RPGRIP1L: variants seen among roughly 807,000 people sequenced by gnomAD.
The protein encoded by RPGRIP1L is RPGRIP1 like.
RPGRIP1L carries 131 observed loss-of-function variants against 160.4 expected under a neutral mutation model. The observed-to-expected ratio is 0.82, with a 90% CI of 0.71 to 0.94. The LOEUF (loss-of-function observed/expected upper bound fraction) is 0.94, where lower values mean the gene tolerates loss of function less well. RPGRIP1L is among the 40% of genes least tolerant of loss of function. The probability of loss-of-function intolerance (pLI) is 0.00; values close to 1 mark genes in which losing one functional copy is unlikely to be tolerated. For missense variants in RPGRIP1L, 1,522 were observed against 1,535.8 expected, an observed-to-expected ratio of 0.99 and a Z score of 0.15; for synonymous variants, 510 against 515.8, an observed-to-expected ratio of 0.99 and a Z score of 0.15.
chr16:53,686,422 T>C lies in RPGRIP1L; in HGVS notation c.776+11A>G. Reference sequence around the variant, plus strand: ...TGACCTTATCAAAGTGATATTTCTGTTTTAACATACCTTTGATCTGTAGCT... The same window carrying C: ...TGACCTTATCAAAGTGATATTTCTGCTTTAACATACCTTTGATCTGTAGCT... On this transcript the variant is annotated intron_variant, in intron 6 of 26. Transcript: ENST00000647211. 6.2e-7 allele frequency: 1 copy of C among 1,611,982 alleles called. No homozygotes were observed. The highest frequency in any genetic ancestry group is 8.5e-7 in the Non-Finnish European group (1 of 1,179,218).
intron 17 of RPGRIP1L, 101 bp from the exon 18 acceptor site, chr16:53,641,576 C>T: frequency 9.1e-7 from 1 of 1,094,174 alleles, no homozygotes; most frequent in East Asian, 2.5e-5. Context: ...GACTCATGCT[C>T]TACCATGTGA....
chr16:53,625,157 C>T (rs1259117404), intron 22 of RPGRIP1L, among the ~76,000 whole-genome samples: 2 of 152,186 alleles, frequency 1.3e-5, no homozygotes, highest in African/African-American at 4.8e-5. Flanking sequence ...CCCAAAGTGC[C>T]GAGACTGCAG....
chr16:53,700,867 G>A, intron 1 of RPGRIP1L, 137 bp from the exon 2 acceptor site: 1 of 712,734 alleles, frequency 1.4e-6, no homozygotes, highest in South Asian at 1.5e-5. Context: ...GCTTGGAGAA[G>A]ATGAAAGCTT....
At chr16:53,670,031 A>T (rs1243190258) in intron 9 of RPGRIP1L, among the ~76,000 whole-genome samples, 2 of 152,138 alleles carry the variant, frequency 1.3e-5, no homozygotes, top group African/African-American at 4.8e-5. Flanking sequence ...GTATACTGAC[A>T]TTTAAACTTT....
intron 9 of RPGRIP1L, among the ~76,000 whole-genome samples, chr16:53,669,514 A>G (rs1392161413): frequency 6.6e-6 from 1 of 152,062 alleles, no homozygotes. Context: ...ATATGGAAAG[A>G]TAAAGTTTTA....
At chr16:53,665,035 GA>G in intron 9 of RPGRIP1L, 26 bp from the exon 10 acceptor site, 1 of 1,612,762 alleles carries the variant, frequency 6.2e-7, no homozygotes, top group Non-Finnish European at 8.5e-7. Context: ...GACATGCAAG[GA>G]AAGCTTGGAA....
chr16:53,686,193 A>C (rs1325594867), intron 6 of RPGRIP1L, among the ~76,000 whole-genome samples: 1 of 152,222 alleles, frequency 6.6e-6, no homozygotes, highest in East Asian at 1.9e-4. Flanking sequence ...CATAGAAAAC[A>C]AGATGAGGGT....
intron 22 of RPGRIP1L, chr16:53,628,806 T>C (rs1421363472): frequency 1.3e-5 from 2 of 152,180 alleles, no homozygotes; most frequent in Non-Finnish European, 2.9e-5. Context: ...ATCAAAACAG[T>C]GCTAGCTTTA....
chr16:53,678,677 A>G (rs1969384049), intron 6 of RPGRIP1L, among the ~76,000 whole-genome samples: 2 of 152,212 alleles, frequency 1.3e-5, no homozygotes, highest in Admixed American at 1.3e-4. Flanking sequence ...GAAGGCTTTA[A>G]AACACAAAAG....
chr16:53,659,108 G>T, intron 10 of RPGRIP1L: 1 of 661,618 alleles, frequency 1.5e-6, no homozygotes, highest in South Asian at 2.3e-5. Flanking sequence ...CAAGACATAA[G>T]TTCACAGTAT....
At chr16:53,655,032 T>C (rs1967130860) in intron 14 of RPGRIP1L, among the ~76,000 whole-genome samples, 1 of 152,212 alleles carries the variant, frequency 6.6e-6, no homozygotes, top group Admixed American at 6.5e-5. Context: ...ATTTTTATAA[T>C]AATGGTAAAG....
At chr16:53,609,815 G>A (rs1208818024) in intron 25 of RPGRIP1L, among the ~76,000 whole-genome samples, 1 of 152,168 alleles carries the variant, frequency 6.6e-6, no homozygotes, top group Non-Finnish European at 1.5e-5. Flanking sequence ...GGGAAAAGTA[G>A]AGCCTCAGAA....
In RPGRIP1L at chr16:53,623,930, T is replaced by G. The variant is rs192128326; in HGVS notation, c.3295-1574A>C. Among the ~76,000 whole-genome samples the G allele has an allele frequency of 1.4e-3, 209 of 152,328 alleles. 1 individual carries two copies. Among genetic ancestry groups the G allele is most frequent in the African/African-American group, 4.8e-3 (198 of 41,576 alleles). On this transcript the variant is annotated intron_variant, in intron 22 of 26. Coordinates refer to ENST00000647211, the MANE Select transcript of RPGRIP1L (RefSeq NM_015272.5). ...ATTTTTCTTCAGGTTCTTGCTTTGT[T>G]GTCCAGGCTGAAGTGCAGTGGCAAG...
At position 53,656,553 on chromosome 16, in the gene RPGRIP1L, A is replaced by G; in HGVS notation, c.1618T>C (p.Leu540=). 6.2e-7 allele frequency: 1 copy of G among 1,614,004 alleles called. No individual in the cohort carries two copies. The highest frequency in any genetic ancestry group is 8.5e-7 in the Non-Finnish European group (1 of 1,179,904). ...VEAVTRKMEN[L]QQDYELKVEQ... is the part of the protein sequence containing the mutation. ...ACTTTGAGTTCATAATCTTGCTGCAAATTTTCCATCTTACGGGTCACTGCC... is the reference window on the plus strand; with the variant it reads ...ACTTTGAGTTCATAATCTTGCTGCAGATTTTCCATCTTACGGGTCACTGCC... The change falls in exon 14 of 27, where the codon TTG becomes CTG. Residue 540 remains leucine (L), a synonymous_variant. Coordinates refer to ENST00000647211, the MANE Select transcript of RPGRIP1L (RefSeq NM_015272.5).
chr16:53,624,349 G>A (rs1206212800), intron 22 of RPGRIP1L, among the ~76,000 whole-genome samples: 3 of 152,130 alleles, frequency 2.0e-5, no homozygotes, highest in Non-Finnish European at 4.4e-5. Context: ...TCAGGAGATC[G>A]AGACCATCCT....
At chr16:53,648,831 G>A in intron 16 of RPGRIP1L, 133 bp downstream of exon 16, 1 of 802,198 alleles carries the variant, frequency 1.2e-6, no homozygotes, top group Non-Finnish European at 2.1e-6. Flanking sequence ...GTGAGTATAT[G>A]ATTACTTCAA....
chr16:53,656,880 G>A (rs1967300874), intron 13 of RPGRIP1L, among the ~76,000 whole-genome samples: 1 of 152,176 alleles, frequency 6.6e-6, no homozygotes, highest in Non-Finnish European at 1.5e-5. Context: ...CTCACTCGCA[G>A]AATGTGCTAA....
intron 9 of RPGRIP1L, among the ~76,000 whole-genome samples, chr16:53,666,565 T>C (rs1030489082): frequency 1.4e-4 from 16 of 114,718 alleles, no homozygotes; most frequent in Non-Finnish European, 1.9e-4. Context: ...TGAGTACATC[T>C]ATGTGTGTGT....
chr16:53,624,649 A>ACTAT (rs1331356978), intron 22 of RPGRIP1L, among the ~76,000 whole-genome samples: 1 of 152,160 alleles, frequency 6.6e-6, no homozygotes, highest in Non-Finnish European at 1.5e-5. Context: ...ATGAAATAAG[A>ACTAT]CTATCTCAAG....
Sources: allele counts gnomAD v4.1 joint callset (sites outside exome capture counted in the v4.1 genomes callset), GRCh38; gene constraint gnomAD v4.1.1; transcripts MANE v1.5; gene names NCBI Gene and HGNC (gene_info 2026-07-23, HGNC 2026-07-21).